The following TUSC3 variants were observed in gnomAD, a reference collection of about 807,000 sequenced individuals.
The protein encoded by TUSC3 is dolichyl-diphosphooligosaccharide--protein glycosyltransferase subunit TUSC3.
In TUSC3, 45 loss-of-function variants were observed where a neutral mutation model predicts 44.8. The ratio of observed to expected loss-of-function variants is 1.00; its 90% CI spans 0.79 to 1.29. The LOEUF is 1.29. Among genes scored for constraint, TUSC3 ranks in the 50% most tolerant of loss-of-function variants. The pLI is 0.00. For synonymous variants in TUSC3, 212 were observed against 152.9 expected, an observed-to-expected ratio of 1.39 and a Z score of -2.85; for missense variants, 519 against 437.9, an observed-to-expected ratio of 1.19 and a Z score of -1.65.
At chr8:15,795,207 C>A in the TUSC3 span, among the ~76,000 whole-genome samples, 6 of 152,262 alleles carry the variant, frequency 3.9e-5, no homozygotes, top group East Asian at 3.9e-4. Flanking sequence ...CTGTATCGAC[C>A]TTTTCACTTC....
chr8:15,616,742 G>T (rs1805001861), intron 1 of TUSC3, among the ~76,000 whole-genome samples: 1 of 152,206 alleles, frequency 6.6e-6, no homozygotes. Context: ...GACTCCCTGA[G>T]CAAGAGCCCT....
chr8:15,462,310 C>A (rs991106854), intron 1 of TUSC3, among the ~76,000 whole-genome samples: 1 of 151,904 alleles, frequency 6.6e-6, no homozygotes, highest in Non-Finnish European at 1.5e-5. Context: ...TATTACAACT[C>A]AATAATAAAG....
intron 6 of TUSC3, among the ~76,000 whole-genome samples, chr8:15,717,683 A>G (rs1810108637): frequency 6.6e-6 from 1 of 152,070 alleles, no homozygotes; most frequent in African/African-American, 2.4e-5. Flanking sequence ...TTATTTCTCT[A>G]GCACTCATTT....
chr8:15,562,233 T>TA (rs1194699747), intron 1 of TUSC3, among the ~76,000 whole-genome samples: 2 of 152,162 alleles, frequency 1.3e-5, no homozygotes, highest in African/African-American at 2.4e-5. Context: ...ACTGTTATCT[T>TA]ACGGTTTTCT....
At chr8:15,615,048 T>C (rs1423227743) in intron 1 of TUSC3, among the ~76,000 whole-genome samples, 1 of 151,534 alleles carries the variant, frequency 6.6e-6, no homozygotes, top group East Asian at 1.9e-4. Flanking sequence ...GAAAACAGTA[T>C]AGAGATTTCT....
At chr8:15,845,221 G>A in the TUSC3 span, among the ~76,000 whole-genome samples, 1 of 152,196 alleles carries the variant, frequency 6.6e-6, no homozygotes, top group African/African-American at 2.4e-5. Flanking sequence ...AATCAGATGT[G>A]GGCTAAGTAT....
chr8:15,762,908 T>C (rs560920294), intron 10 of TUSC3, among the ~76,000 whole-genome samples: 2,676 of 152,036 alleles, frequency 0.018, 77 homozygotes, highest in African/African-American at 0.061. Flanking sequence ...CTGACATTCT[T>C]CATGGAGATG....
chr8:15,713,073 T>C (rs1163245774), intron 6 of TUSC3, among the ~76,000 whole-genome samples: 1 of 152,182 alleles, frequency 6.6e-6, no homozygotes, highest in East Asian at 1.9e-4. Flanking sequence ...TGCTTTTCTT[T>C]AAAGAACATG....
the TUSC3 span, among the ~76,000 whole-genome samples, chr8:15,777,081 G>T: frequency 2.0e-5 from 3 of 152,078 alleles, no homozygotes; most frequent in Admixed American, 6.6e-5. Context: ...TTCTTTTCCA[G>T]CTAGAATCTT....
chr8:15,804,884 G>T, the TUSC3 span, among the ~76,000 whole-genome samples: 1 of 152,148 alleles, frequency 6.6e-6, no homozygotes, highest in Non-Finnish European at 1.5e-5. Flanking sequence ...TTGGTAGTTT[G>T]ATAGGAATGG....
At chr8:15,485,682 G>A (rs1369841480) in intron 2 of TUSC3, among the ~76,000 whole-genome samples, 17 of 152,164 alleles carry the variant, frequency 1.1e-4, no homozygotes, top group Non-Finnish European at 2.2e-4. Flanking sequence ...TGTTGGGAAT[G>A]AAGAGTAGGA....
chr8:15,847,459 G>A, the TUSC3 span, among the ~76,000 whole-genome samples: 10 of 152,174 alleles, frequency 6.6e-5, no homozygotes, highest in African/African-American at 2.4e-4. Flanking sequence ...GTCTCCTGTT[G>A]CCTCTTCCAC....
intron 2 of TUSC3, among the ~76,000 whole-genome samples, chr8:15,486,774 T>C (rs1800737878): frequency 2.0e-5 from 3 of 152,206 alleles, no homozygotes; most frequent in Admixed American, 2.0e-4. Flanking sequence ...GGTAAGCCTA[T>C]ATTTTCCTTT....
chr8:15,637,666 A>C (rs4367539), intron 2 of TUSC3, among the ~76,000 whole-genome samples: 2 of 151,594 alleles, frequency 1.3e-5, no homozygotes, highest in Non-Finnish European at 2.9e-5. Context: ...CTTTTTTTTT[A>C]CCCCTTTCCT....
At chr8:15,729,100 G>A (rs1253204627) in intron 6 of TUSC3, among the ~76,000 whole-genome samples, 1 of 152,154 alleles carries the variant, frequency 6.6e-6, no homozygotes, top group African/African-American at 2.4e-5. Flanking sequence ...GAAGACGTCT[G>A]AAGTTATTCT....
chr8:15,842,835 A>T, the TUSC3 span, among the ~76,000 whole-genome samples: 1 of 152,172 alleles, frequency 6.6e-6, no homozygotes, highest in African/African-American at 2.4e-5. Context: ...AGGATATTTC[A>T]CTGTTTTAGC....
the TUSC3 span, among the ~76,000 whole-genome samples, chr8:15,787,754 G>T: frequency 6.6e-6 from 1 of 152,162 alleles, no homozygotes; most frequent in Non-Finnish European, 1.5e-5. Flanking sequence ...ATTCTAGATT[G>T]AAAGTGTCCG....
At chr8:15,682,182 T>C (rs532846891) in intron 6 of TUSC3, among the ~76,000 whole-genome samples, 1 of 152,254 alleles carries the variant, frequency 6.6e-6, no homozygotes, top group South Asian at 2.1e-4. Context: ...TTAGGTCCAT[T>C]GCATTGAATT....
the TUSC3 span, among the ~76,000 whole-genome samples, chr8:15,799,138 AC>A: frequency 6.6e-6 from 1 of 152,042 alleles, no homozygotes; most frequent in South Asian, 2.1e-4. Flanking sequence ...ACAAAAACCA[AC>A]CACTCTAAGT....
Sources: allele counts gnomAD v4.1 joint callset (sites outside exome capture counted in the v4.1 genomes callset), GRCh38; gene constraint gnomAD v4.1.1; transcripts MANE v1.5; gene names NCBI Gene and HGNC (gene_info 2026-07-23, HGNC 2026-07-21).